Variants in SET observed in about 807,000 individuals in gnomAD.
SET encodes the protein protein SET.
Under a neutral mutation model 39.0 loss-of-function variants are expected in SET, and 4 were observed. The ratio of observed to expected loss-of-function variants is 0.10; its 90% CI spans 0.05 to 0.23. The LOEUF (loss-of-function observed/expected upper bound fraction) is 0.23, where lower values mean the gene tolerates loss of function less well. Ranked by LOEUF, SET falls within the 10% of genes least tolerant of loss-of-function variation. The pLI, the probability that SET is intolerant of heterozygous loss-of-function variation, is 1.00. For synonymous variants in SET, 114 were observed against 115.9 expected (o/e 0.98, Z 0.11); for missense variants, 137 against 329.7 (o/e 0.42, Z 4.53).
intron 3 of SET, chr9:128,692,437 A>T: frequency 3.2e-6 from 1 of 313,660 alleles, no homozygotes; most frequent in East Asian, 5.3e-5. Flanking sequence ...AAAGACGGGA[A>T]AAGATATACA....
At chr9:128,688,068 G>A (rs141097650), upstream of SET, among the ~76,000 whole-genome samples, 43 of 152,172 alleles carry the variant, frequency 2.8e-4, no homozygotes, top group East Asian at 6.2e-3. Context: ...AAAATTAGCC[G>A]GGCATGGTGG....
intron 5 of SET, 68 bp downstream of exon 5, chr9:128,693,049 C>A (rs12342940): frequency 3.5e-5 from 36 of 1,023,822 alleles, no homozygotes; most frequent in African/African-American, 6.5e-5. Flanking sequence ...TAACCACTTA[C>A]AAGTGCTTGA....
At chr9:128,694,239 GTT>G (rs66941404) in intron 7 of SET, among the ~76,000 whole-genome samples, 197 bp downstream of exon 7, 2 of 146,946 alleles carry the variant, frequency 1.4e-5, no homozygotes, top group Non-Finnish European at 3.1e-5. Context: ...GTTTTTTTTG[GTT>G]TTTTTTTGGG....
chr9:128,693,233 CA>C (rs1024026081), intron 5 of SET, among the ~76,000 whole-genome samples: 1 of 150,190 alleles, frequency 6.7e-6, no homozygotes, highest in East Asian at 1.9e-4. Context: ...TTCCAAAAAA[CA>C]AAAAAAAAGA....
chr9:128,695,207 T>A lies in SET; in HGVS notation c.*543T>A, dbSNP rs934171127. On this transcript the variant is annotated 3_prime_UTR_variant, in exon 8 of 8. Coordinates refer to ENST00000322030, the MANE Select transcript of SET (RefSeq NM_003011.4). The stretch of plus-strand genomic sequence containing the variant: ...AGGTCAGCAAAGGGTGGGTTTGAGA[T>A]GTTTGGGTGGGTTAAGTGGGCATTT... 3 of 221,586 alleles carry A rather than the reference T, an allele frequency of 1.4e-5. No homozygotes were observed. Among genetic ancestry groups the A allele is most frequent in the African/African-American group, 6.7e-5 (3 of 44,920 alleles). 13.7% of individuals were successfully genotyped at this position (221,586 alleles called of 1,614,324 possible). A position where few individuals can be genotyped will look rare whatever the true frequency, so the allele number is the denominator to read the frequency against.
chr9:128,694,683 C>G lies in SET; in HGVS notation c.*19C>G, dbSNP rs1861666197. On this transcript the variant is annotated 3_prime_UTR_variant, in exon 8 of 8. Transcript: ENST00000322030. ...TGACTAAATAGAACACTGATGGATT[C>G]CAACCTTCCTTTTTTTAAATTTTCT... 2 of 1,482,888 alleles carry G rather than the reference C, an allele frequency of 1.3e-6. No homozygotes were observed. The highest frequency in any genetic ancestry group is 1.8e-6 in the Non-Finnish European group (2 of 1,094,602). 91.9% of individuals were successfully genotyped at this position (1,482,888 alleles called of 1,614,324 possible). A position where few individuals can be genotyped will look rare whatever the true frequency, so the allele number is the denominator to read the frequency against.
chr9:128,692,611 G>C (rs1239984490), intron 3 of SET, 51 bp from the exon 4 acceptor site: 3 of 1,201,834 alleles, frequency 2.5e-6, no homozygotes. Context: ...TTAAATTGTT[G>C]TTAGTGTGTG....
At position 128,695,929 on chromosome 9, in the gene SET, C is replaced by A. The variant is rs1336369692; in HGVS notation, c.*1265C>A. On this transcript the variant is annotated 3_prime_UTR_variant, in exon 8 of 8. Transcript: ENST00000322030. ...TGGTGCTCTAATGCCAAGTTATACA[C>A]GGGACAGTTGCTGGCATGTCTTCAT... 2.2e-5 allele frequency: 5 copies of A among 226,590 alleles called. No individual in the cohort carries two copies. Among genetic ancestry groups the A allele is most frequent in the East Asian group, 1.9e-4 (3 of 16,122 alleles). 14.0% of individuals were successfully genotyped at this position (226,590 alleles called of 1,614,324 possible).
chr9:128,690,486 C>T (rs1232607281), intron 1 of SET: 1 of 153,038 alleles, frequency 6.5e-6, no homozygotes, highest in East Asian at 1.9e-4. Context: ...CAGAGCACAC[C>T]CCCTTTTCTT....
chr9:128,694,119 T>TAC (rs1439598084), intron 7 of SET, 77 bp downstream of exon 7: 7 of 1,297,594 alleles, frequency 5.4e-6, no homozygotes, highest in East Asian at 2.5e-5. Flanking sequence ...TATATATATA[T>TAC]ATAGTGTGGT....
chr9:128,690,491 T>A (rs537464102), intron 1 of SET: 1 of 153,264 alleles, frequency 6.5e-6, no homozygotes, highest in East Asian at 1.9e-4. Context: ...CACACCCCCT[T>A]TTCTTCCTCT....
chr9:128,686,011 GAAC>G (rs200267325), upstream of SET, among the ~76,000 whole-genome samples: 32 of 150,000 alleles, frequency 2.1e-4, no homozygotes, highest in East Asian at 7.9e-4. Flanking sequence ...TGGGCGACAA[GAAC>G]AACAACAACA....
chr9:128,695,198 G>A lies in SET; in HGVS notation c.*534G>A, dbSNP rs1221402478. On this transcript the variant is annotated 3_prime_UTR_variant, in exon 8 of 8. Transcript: ENST00000322030. ...GGTTATAGAAGGTCAGCAAAGGGTG[G>A]GTTTGAGATGTTTGGGTGGGTTAAG... 2.7e-5 allele frequency: 6 copies of A among 222,648 alleles called. No homozygotes were observed. The highest frequency in any genetic ancestry group is 5.7e-5 in the Admixed American group (1 of 17,510). The allele number at this position is 222,648 out of a possible 1,614,324, so 13.8% of individuals were successfully genotyped here. A position where few individuals can be genotyped will look rare whatever the true frequency, so the allele number is the denominator to read the frequency against.
chr9:128,683,706 G>T, exon 1 of SET: 1 of 512,470 alleles, frequency 2.0e-6, no homozygotes, highest in East Asian at 3.3e-5. Context: ...TCTCCTGATT[G>T]GAGGGTGGGT....
rs1022258594 is a variant in SET, at chr9:128,695,482, G to T, written c.*818G>T. ...GGAAAGATGATGCTCAGTTTTAAAC[G>T]TTAAAAGTGTACAAGTTGCTTTGTT... On this transcript the variant is annotated 3_prime_UTR_variant, in exon 8 of 8. Coordinates refer to ENST00000322030, the MANE Select transcript of SET (RefSeq NM_003011.4). The T allele has an allele frequency of 1.4e-5, 3 of 220,952 alleles. No homozygotes were observed. Among genetic ancestry groups the T allele is most frequent in the Non-Finnish European group, 2.8e-5 (3 of 107,852 alleles). The allele number at this position is 220,952 out of a possible 1,614,324, so 13.7% of individuals were successfully genotyped here.
intron 1 of SET, 76 bp from the exon 2 acceptor site, chr9:128,691,094 G>T: frequency 2.6e-6 from 3 of 1,138,348 alleles, no homozygotes; most frequent in Non-Finnish European, 2.7e-6. Context: ...AATGGCTTTT[G>T]GAATATTATA....
upstream of SET, among the ~76,000 whole-genome samples, chr9:128,688,841 C>T (rs77013134): frequency 0.021 from 3,185 of 152,272 alleles, 121 homozygotes; most frequent in African/African-American, 0.073. Context: ...TCGGGGCCCC[C>T]ATACGAGGCC....
Position 128,696,162 on chromosome 9 carries a change from T to C in SET, c.*1498T>C. ...TTTTAATGCTGTAAAATATAGTCGC[T>C]GAAATTAAATGCCACTTTTTCAGAG... On this transcript the variant is annotated 3_prime_UTR_variant, in exon 8 of 8. Coordinates refer to ENST00000322030, the MANE Select transcript of SET (RefSeq NM_003011.4). 1 of 214,018 alleles carries C rather than the reference T, an allele frequency of 4.7e-6. No homozygotes were observed. Among genetic ancestry groups the C allele is most frequent in the Non-Finnish European group, 9.6e-6 (1 of 104,440 alleles). 13.3% of individuals were successfully genotyped at this position (214,018 alleles called of 1,614,324 possible).
In SET at chr9:128,695,520, A is replaced by G. The variant is rs1861703243; in HGVS notation, c.*856A>G. 4.5e-6 allele frequency: 1 copy of G among 223,630 alleles called. No individual in the cohort carries two copies. Among genetic ancestry groups the G allele is most frequent in the East Asian group, 6.4e-5 (1 of 15,718 alleles). The allele number at this position is 223,630 out of a possible 1,614,324, so 13.9% of individuals were successfully genotyped here. On this transcript the variant is annotated 3_prime_UTR_variant, in exon 8 of 8. Coordinates refer to ENST00000322030, the MANE Select transcript of SET (RefSeq NM_003011.4). ...AAGTTGCTTTGTTACAATAAAACTA[A>G]ATGTGTACACAAAGGATTTGATGCT...
Sources: gnomAD v4.1 joint callset for allele counts (sites outside exome capture counted in the v4.1 genomes callset) on GRCh38, gnomAD v4.1.1 for gene constraint, MANE v1.5 for transcripts, NCBI Gene and HGNC (gene_info 2026-07-23, HGNC 2026-07-21) for gene names.